Variants in FIGN observed in about 807,000 individuals in gnomAD.
FIGN encodes fidgetin, microtubule severing factor.
In FIGN, 11 loss-of-function variants were observed where a neutral mutation model predicts 51.3. The ratio of observed to expected loss-of-function variants is 0.21; its 90% CI spans 0.13 to 0.35. The LOEUF is 0.35. Ranked by LOEUF, FIGN falls within the 10% of genes least tolerant of loss-of-function variation. The probability of loss-of-function intolerance (pLI) is 1.00; values close to 1 mark genes in which losing one functional copy is unlikely to be tolerated. For synonymous variants in FIGN, 407 were observed against 363.2 expected, an observed-to-expected ratio of 1.12 and a Z score of -1.37; for missense variants, 857 against 943.6, an observed-to-expected ratio of 0.91 and a Z score of 1.20.
At chr2:163,676,945 T>G (rs1017624060) in intron 2 of FIGN, among the ~76,000 whole-genome samples, 1 of 152,152 alleles carries the variant, frequency 6.6e-6, no homozygotes, top group Non-Finnish European at 1.5e-5. Context: ...ACTGATAACA[T>G]GTACATACCC....
intron 2 of FIGN, among the ~76,000 whole-genome samples, chr2:163,724,738 T>G (rs1300170783): frequency 6.6e-6 from 1 of 152,136 alleles, no homozygotes; most frequent in Non-Finnish European, 1.5e-5. Flanking sequence ...ACTTCATTTG[T>G]GGCCTAAAAA....
chr2:163,618,138 T>G (rs756675128), intron 2 of FIGN, among the ~76,000 whole-genome samples: 19 of 152,154 alleles, frequency 1.2e-4, no homozygotes, highest in Middle Eastern at 3.2e-3. Context: ...TGTCAACATT[T>G]TCAAATGTTT....
chr2:163,690,920 A>C (rs1176620162), intron 2 of FIGN, among the ~76,000 whole-genome samples: 1 of 152,100 alleles, frequency 6.6e-6, no homozygotes, highest in Non-Finnish European at 1.5e-5. Context: ...CATTTTTTAA[A>C]CTATAGATTT....
intron 2 of FIGN, among the ~76,000 whole-genome samples, chr2:163,678,292 C>T (rs1684005741): frequency 6.6e-6 from 1 of 152,090 alleles, no homozygotes; most frequent in African/African-American, 2.4e-5. Context: ...GCGATCTTGG[C>T]TCACTGCAAC....
intron 2 of FIGN, among the ~76,000 whole-genome samples, chr2:163,645,617 G>A (rs1683370788): frequency 6.6e-6 from 1 of 152,188 alleles, no homozygotes; most frequent in African/African-American, 2.4e-5. Context: ...AAGCCATGGT[G>A]AGCAGAGGGG....
intron 2 of FIGN, among the ~76,000 whole-genome samples, chr2:163,660,530 CCAAGT>C (rs1414623184): frequency 6.6e-6 from 1 of 151,318 alleles, no homozygotes; most frequent in Non-Finnish European, 1.5e-5. Flanking sequence ...TTTGAGATAG[CCAAGT>C]CAAGACTTAA....
intron 2 of FIGN, among the ~76,000 whole-genome samples, chr2:163,681,102 A>G (rs1310876531): frequency 6.6e-6 from 1 of 152,210 alleles, no homozygotes; most frequent in African/African-American, 2.4e-5. Context: ...ATTAAATTTT[A>G]GAATTCAAAT....
intron 2 of FIGN, among the ~76,000 whole-genome samples, chr2:163,658,707 A>G (rs914776898): frequency 6.6e-6 from 1 of 152,156 alleles, no homozygotes; most frequent in South Asian, 2.1e-4. Context: ...GGCAAGAATG[A>G]CACCAAGCCA....
chr2:163,638,359 T>A (rs1683257501), intron 2 of FIGN, among the ~76,000 whole-genome samples: 1 of 152,102 alleles, frequency 6.6e-6, no homozygotes, highest in Non-Finnish European at 1.5e-5. Flanking sequence ...CAGGGACAAG[T>A]AAGAGAGTAT....
chr2:163,708,453 T>C (rs16848818), intron 2 of FIGN, among the ~76,000 whole-genome samples: 3,692 of 152,236 alleles, frequency 0.024, 156 homozygotes, highest in African/African-American at 0.084. Flanking sequence ...AAGTATAATG[T>C]GGACAAAGGT....
intron 2 of FIGN, among the ~76,000 whole-genome samples, chr2:163,732,939 A>G (rs1684954375): frequency 6.6e-6 from 1 of 152,224 alleles, no homozygotes; most frequent in Non-Finnish European, 1.5e-5. Context: ...CCAGAGTGTG[A>G]GCACTTGCCC....
chr2:163,663,647 C>T (rs989697145), intron 2 of FIGN, among the ~76,000 whole-genome samples: 2 of 151,572 alleles, frequency 1.3e-5, no homozygotes, highest in Non-Finnish European at 2.9e-5. Context: ...CTTTGGGAGG[C>T]TGAGGTGGGC....
chr2:163,680,979 T>C (rs1684053702), intron 2 of FIGN, among the ~76,000 whole-genome samples: 1 of 152,206 alleles, frequency 6.6e-6, no homozygotes, highest in South Asian at 2.1e-4. Context: ...AAGGTACTAA[T>C]AGGAATTATA....
intron 2 of FIGN, among the ~76,000 whole-genome samples, chr2:163,644,288 C>A (rs1339624293): frequency 3.3e-5 from 5 of 152,092 alleles, no homozygotes; most frequent in Admixed American, 3.3e-4. Context: ...ATAGACATTT[C>A]TCCAAGGAAG....
chr2:163,638,213 T>A (rs1193404373), intron 2 of FIGN, among the ~76,000 whole-genome samples: 1 of 151,118 alleles, frequency 6.6e-6, no homozygotes, highest in Non-Finnish European at 1.5e-5. Context: ...AGTGTGAGAG[T>A]CGCCAAAGAC....
chr2:163,660,117 A>C (rs1559011963), intron 2 of FIGN, among the ~76,000 whole-genome samples: 1 of 152,020 alleles, frequency 6.6e-6, no homozygotes, highest in Non-Finnish European at 1.5e-5. Context: ...ATAAAAAAAA[A>C]CAAAAAATAA....
rs747879590 is a variant in FIGN, at chr2:163,609,660, A to G, written c.2172T>C (p.Val724=). ...SAIMPSQLRP[V]TYQDFENAFC... ...AAGCATTTTCAAAGTCTTGATATGTAACGGGCCTCAACTGGCTGGGCATAA... is the reference window on the plus strand; with the variant it reads ...AAGCATTTTCAAAGTCTTGATATGTGACGGGCCTCAACTGGCTGGGCATAA... Residue 724 remains valine (V), a synonymous_variant, in exon 3 of 3, where the codon GTT becomes GTC. Transcript: ENST00000333129. The G allele has an allele frequency of 1.2e-6, 2 of 1,614,156 alleles. No individual in the cohort carries two copies. Among genetic ancestry groups the G allele is most frequent in the East Asian group, 4.5e-5 (2 of 44,864 alleles).
At chr2:163,709,824 A>G (rs1470761765) in intron 2 of FIGN, among the ~76,000 whole-genome samples, 5 of 152,144 alleles carry the variant, frequency 3.3e-5, no homozygotes. Context: ...CAGGTCAATC[A>G]ATTTATTTTT....
chr2:163,719,709 C>A (rs1258005239), intron 2 of FIGN, among the ~76,000 whole-genome samples: 1 of 152,104 alleles, frequency 6.6e-6, no homozygotes, highest in Non-Finnish European at 1.5e-5. Flanking sequence ...TAGCAGCCTG[C>A]ATGATAACCC....
Sources: gnomAD v4.1 joint callset for allele counts (sites outside exome capture counted in the v4.1 genomes callset) on GRCh38, gnomAD v4.1.1 for gene constraint, MANE v1.5 for transcripts, NCBI Gene and HGNC (gene_info 2026-07-23, HGNC 2026-07-21) for gene names.